The following TULP4 variants were observed in gnomAD, a reference collection of about 807,000 sequenced individuals.
The protein encoded by TULP4 is TUB like protein 4, also known as tubby-related protein 4.
In TULP4, 16 loss-of-function variants were observed where a neutral mutation model predicts 129.0. That is an observed-to-expected ratio of 0.12 (90% CI 0.08 to 0.19). TULP4 has a LOEUF of 0.19. Among genes scored for constraint, TULP4 ranks in the 10% least tolerant of loss-of-function variants. The pLI is 1.00. For synonymous variants in TULP4, 998 were observed against 854.0 expected, an observed-to-expected ratio of 1.17 and a Z score of -2.94; for missense variants, 1,842 against 2,059.1, an observed-to-expected ratio of 0.89 and a Z score of 2.04.
At chr6:158,387,138 G>A (rs1171746179) in intron 1 of TULP4, among the ~76,000 whole-genome samples, 1 of 152,158 alleles carries the variant, frequency 6.6e-6, no homozygotes, top group Admixed American at 6.5e-5. Flanking sequence ...GTGGCCCAGG[G>A]ACCACAGCAG....
At position 158,502,709 on chromosome 6, in the gene TULP4, A is replaced by G; in HGVS notation, c.3046A>G (p.Lys1016Glu). 2.6e-6 allele frequency: 4 copies of G among 1,561,792 alleles called. No individual in the cohort carries two copies. Among genetic ancestry groups the G allele is most frequent in the Non-Finnish European group, 3.5e-6 (4 of 1,158,832 alleles). Residue 1016 changes from lysine to glutamate, a missense_variant, in exon 13 of 14, where the codon AAG (lysine) becomes GAG (glutamate). By Grantham distance (56) the Lys-to-Glu change is moderately conservative (BLOSUM62 1). Transcript: ENST00000367097. Reference sequence around the variant, plus strand: ...CCCCCTGCAGCCCCTGGCCAAGTCCAAGGGCGGGCCCGGGGGGGTGGTGAC... The same window carrying G: ...CCCCCTGCAGCCCCTGGCCAAGTCCGAGGGCGGGCCCGGGGGGGTGGTGAC... ...RAPLQPLAKS[K>E]GGPGGVVTQL...
At chr6:158,499,638 G>C (rs1040200725) in intron 12 of TULP4, among the ~76,000 whole-genome samples, 12 of 152,168 alleles carry the variant, frequency 7.9e-5, no homozygotes, top group African/African-American at 2.7e-4. Flanking sequence ...TTCCAACTAA[G>C]TGGGCTCTGG....
chr6:158,333,864 G>A (rs556225873), intron 1 of TULP4, among the ~76,000 whole-genome samples: 18 of 152,226 alleles, frequency 1.2e-4, no homozygotes, highest in African/African-American at 3.6e-4. Context: ...CAGACCACAC[G>A]TGGTGCTACT....
chr6:158,332,752 C>T (rs1008387396), intron 1 of TULP4, among the ~76,000 whole-genome samples: 7 of 152,246 alleles, frequency 4.6e-5, no homozygotes, highest in African/African-American at 1.4e-4. Flanking sequence ...ATCTTCCACT[C>T]TGAAGAGCCC....
At chr6:158,501,182 C>A (rs553242938) in intron 12 of TULP4, among the ~76,000 whole-genome samples, 44 of 152,272 alleles carry the variant, frequency 2.9e-4, no homozygotes, top group African/African-American at 1.0e-3. Context: ...TTTACAGAAA[C>A]CTAATGTGCA....
At chr6:158,498,942 T>A in intron 12 of TULP4, 130 bp downstream of exon 12, 2 of 1,153,596 alleles carry the variant, frequency 1.7e-6, no homozygotes, top group Non-Finnish European at 2.5e-6. Flanking sequence ...CCTGCCTCAG[T>A]AAGGTTGGTA....
chr6:158,252,394 T>C (rs977426702), intron 1 of TULP4, among the ~76,000 whole-genome samples: 3 of 151,972 alleles, frequency 2.0e-5, no homozygotes, highest in Admixed American at 6.6e-5. Context: ...TTTACTTTTT[T>C]AGGTGGAGTC....
intron 1 of TULP4, among the ~76,000 whole-genome samples, chr6:158,300,007 G>A (rs1051109798): frequency 2.0e-5 from 3 of 152,200 alleles, no homozygotes; most frequent in African/African-American, 7.2e-5. Context: ...AGTGGGATTA[G>A]TTAGAGGGGT....
At chr6:158,462,616 G>A (rs1166136772) in intron 6 of TULP4, among the ~76,000 whole-genome samples, 1 of 151,612 alleles carries the variant, frequency 6.6e-6, no homozygotes, top group Non-Finnish European at 1.5e-5. Context: ...CTCATGATCT[G>A]CCCGCCTCGG....
At chr6:158,330,233 C>G (rs1228779507) in intron 1 of TULP4, among the ~76,000 whole-genome samples, 1 of 152,196 alleles carries the variant, frequency 6.6e-6, no homozygotes, top group East Asian at 1.9e-4. Flanking sequence ...TAGTAACTAC[C>G]ATATTGGACT....
intron 1 of TULP4, among the ~76,000 whole-genome samples, chr6:158,412,415 G>A (rs1313438448): frequency 1.3e-5 from 2 of 152,150 alleles, no homozygotes; most frequent in Non-Finnish European, 2.9e-5. Context: ...CCACCTAGCC[G>A]AGTTGCTACC....
intron 1 of TULP4, among the ~76,000 whole-genome samples, chr6:158,258,586 G>A (rs1231396891): frequency 1.3e-5 from 2 of 152,162 alleles, no homozygotes; most frequent in Non-Finnish European, 2.9e-5. Context: ...AAAAATGTTA[G>A]AGACACCACT....
chr6:158,339,039 A>T (rs906353059), intron 1 of TULP4, among the ~76,000 whole-genome samples: 1 of 152,206 alleles, frequency 6.6e-6, no homozygotes, highest in Non-Finnish European at 1.5e-5. Context: ...AGAAAAAAAC[A>T]CATTGGTGTG....
chr6:158,394,014 C>T (rs1415106730), intron 1 of TULP4, among the ~76,000 whole-genome samples: 2 of 152,176 alleles, frequency 1.3e-5, no homozygotes, highest in African/African-American at 4.8e-5. Context: ...CATTTTCAGA[C>T]CATCTTTTTA....
At chr6:158,431,049 T>A (rs558599961) in intron 3 of TULP4, among the ~76,000 whole-genome samples, 1 of 152,198 alleles carries the variant, frequency 6.6e-6, no homozygotes, top group African/African-American at 2.4e-5. Flanking sequence ...TATGAAAAGG[T>A]ATTTTCAGCT....
At chr6:158,344,218 C>T (rs1279639621) in intron 1 of TULP4, among the ~76,000 whole-genome samples, 1 of 152,224 alleles carries the variant, frequency 6.6e-6, no homozygotes, top group Non-Finnish European at 1.5e-5. Flanking sequence ...CCTATAAGAA[C>T]TAATGATAAT....
At chr6:158,360,269 C>T (rs899105498) in intron 1 of TULP4, among the ~76,000 whole-genome samples, 2 of 152,060 alleles carry the variant, frequency 1.3e-5, no homozygotes, top group South Asian at 2.1e-4. Flanking sequence ...GGGTGTAGCA[C>T]GATGCACTCT....
At chr6:158,294,362 CAAAAAAAAAAAT>C (rs1259350079) in intron 1 of TULP4, among the ~76,000 whole-genome samples, 4 of 126,048 alleles carry the variant, frequency 3.2e-5, no homozygotes, top group Admixed American at 8.1e-5. Flanking sequence ...GACTCCATCT[CAAAAAAAAAAAT>C]AAAAAAAAAA....
At chr6:158,460,904 C>T (rs1287382187) in intron 5 of TULP4, among the ~76,000 whole-genome samples, 4 of 149,690 alleles carry the variant, frequency 2.7e-5, no homozygotes, top group African/African-American at 4.9e-5. Context: ...TATTGTCTTG[C>T]TGTCTCTTAA....
Sources: gnomAD v4.1 joint callset for allele counts (sites outside exome capture counted in the v4.1 genomes callset) on GRCh38, gnomAD v4.1.1 for gene constraint, MANE v1.5 for transcripts, NCBI Gene and HGNC (gene_info 2026-07-23, HGNC 2026-07-21) for gene names.